Variants in PHTF1 observed in about 807,000 individuals in gnomAD.
PHTF1 encodes the protein protein PHTF1.
In PHTF1, 88 loss-of-function variants were observed where a neutral mutation model predicts 102.4. That is an observed-to-expected ratio of 0.86 (90% CI 0.72 to 1.03). The LOEUF (loss-of-function observed/expected upper bound fraction) is 1.03, where lower values mean the gene tolerates loss of function less well. Among genes scored for constraint, PHTF1 ranks in the 50% least tolerant of loss-of-function variants. PHTF1 has a pLI of 0.00. For synonymous variants in PHTF1, 289 were observed against 305.2 expected (o/e 0.95, Z 0.55); for missense variants, 814 against 909.5 (o/e 0.89, Z 1.35).
chr1:113,744,473 AT>A (rs550395780), intron 3 of PHTF1, among the ~76,000 whole-genome samples: 4 of 152,208 alleles, frequency 2.6e-5, no homozygotes, highest in Non-Finnish European at 4.4e-5. Flanking sequence ...GTTACCCCTG[AT>A]TTGGGGCATA....
intron 17 of PHTF1, chr1:113,699,076 TC>T (rs1649153681): frequency 6.2e-6 from 1 of 161,830 alleles, no homozygotes; most frequent in Non-Finnish European, 1.3e-5. Flanking sequence ...AGCAGCGCAG[TC>T]CCCAGTCAAA....
rs776442298 is a variant in PHTF1 at position 113,713,419 on chromosome 1, T to C, written c.643A>G (p.Ile215Val). ...TCAGTTTCAGTCCCTTTGTTAGATA[T>C]TAATTTTACTCTTTTAATCCTATTT... is the stretch of plus-strand genomic sequence containing the variant. ...FGNRIKRVKL[I>V]SNKGTETDND... The change falls in exon 8 of 19, where the codon ATA becomes GTA. Residue 215 changes from isoleucine to valine, a missense_variant. Ile to Val is a conservative substitution (Grantham distance 29). Coordinates refer to ENST00000369604, the MANE Select transcript of PHTF1 (RefSeq NM_001323043.2). 14 of 1,565,730 alleles carry C rather than the reference T, an allele frequency of 8.9e-6. No individual in the cohort carries two copies. The East Asian group carries it at 2.2e-4, about 25-fold the overall frequency.
chr1:113,711,492 C>T (rs573706389), intron 10 of PHTF1, among the ~76,000 whole-genome samples: 83 of 152,150 alleles, frequency 5.5e-4, no homozygotes, highest in African/African-American at 1.9e-3. Context: ...TTAATAATCT[C>T]ATTATTTAGG....
At chr1:113,729,527 C>T (rs1252336215) in intron 5 of PHTF1, among the ~76,000 whole-genome samples, 1 of 151,838 alleles carries the variant, frequency 6.6e-6, no homozygotes, top group Non-Finnish European at 1.5e-5. Flanking sequence ...ATATATATAC[C>T]TACTATATAC....
rs374396704 is a variant in PHTF1 at position 113,703,008 on chromosome 1, T to C, written c.1890+1073A>G. ...CATAAAAGTCAACTGCCCAAAAAGA[T>C]GGATAACAAAGCTAAATCTGGATGT... On this transcript the variant is annotated intron_variant, in intron 15 of 18. Transcript: ENST00000369604. 1.1e-4 allele frequency among the ~76,000 whole-genome samples: 16 copies of C among 152,282 alleles called. No homozygotes were observed. In the East Asian group the frequency reaches 1.2e-3, roughly 11 times the overall value.
At position 113,710,239 on chromosome 1, in the gene PHTF1, C is replaced by G. The variant is rs375706492; in HGVS notation, c.1269+15G>C. 6.3e-7 allele frequency: 1 copy of G among 1,582,492 alleles called. No homozygotes were observed. The highest frequency in any genetic ancestry group is 8.7e-7 in the Non-Finnish European group (1 of 1,152,712). ...CACAATAAATACTAGCTATTCTTAT[C>G]ATGTCTGCACAGACCTGCTGAAAAA... On this transcript the variant is annotated intron_variant, in intron 11 of 18. Transcript: ENST00000369604.
chr1:113,724,872 A>T lies in PHTF1; in HGVS notation c.510T>A (p.Asn170Lys). The T allele has an allele frequency of 6.3e-7, 1 of 1,598,362 alleles. No homozygotes were observed. The highest frequency in any genetic ancestry group is 1.4e-5 in the African/African-American group (1 of 73,914). Residue 170 changes from asparagine (N) to lysine (K), a missense_variant, in exon 7 of 19, where the codon AAT becomes AAA. Physicochemically the swap from Asn to Lys is moderately conservative, Grantham distance 94. Transcript: ENST00000369604. ...RRRRKLRKTV[N>K]GDGSRENGNN... ...TTCCATTTTCTCGGCTCCCATCACC[A>T]TTTACAGTTTTTCGTAATTTTCTAC...
intron 7 of PHTF1, among the ~76,000 whole-genome samples, chr1:113,722,640 T>A (rs1328587972): frequency 6.6e-6 from 1 of 151,518 alleles, no homozygotes; most frequent in African/African-American, 2.4e-5. Context: ...TGGCCAGGCA[T>A]GGTGGCTCAC....
At chr1:113,697,984 C>T (rs139744023) in intron 18 of PHTF1, among the ~76,000 whole-genome samples, 103 of 152,308 alleles carry the variant, frequency 6.8e-4, no homozygotes, top group African/African-American at 2.4e-3. Context: ...GACCATTACC[C>T]AGCTCAGGCT....
chr1:113,736,143 C>A (rs1279191872), intron 5 of PHTF1, among the ~76,000 whole-genome samples: 2 of 150,668 alleles, frequency 1.3e-5, no homozygotes, highest in Non-Finnish European at 3.0e-5. Context: ...GAGATCGAGA[C>A]CATCCTGGCT....
chr1:113,758,613 G>T, intron 2 of PHTF1, 46 bp downstream of exon 2: 1 of 1,156,418 alleles, frequency 8.6e-7, no homozygotes, highest in Non-Finnish European at 1.2e-6. Flanking sequence ...GGAGCTTTTT[G>T]CAGGAAGAAT....
At chr1:113,746,911 GT>G (rs1484101443) in intron 3 of PHTF1, 1 of 469,006 alleles carries the variant, frequency 2.1e-6, no homozygotes, top group East Asian at 1.5e-4. Flanking sequence ...AACAAAAAAT[GT>G]TTACAGTGCT....
chr1:113,713,721 C>A, intron 7 of PHTF1: 1 of 311,524 alleles, frequency 3.2e-6, no homozygotes, highest in Non-Finnish European at 5.9e-6. Flanking sequence ...CTCTCCACAT[C>A]TTCTCAGACA....
chr1:113,742,519 G>A (rs1656543588), intron 3 of PHTF1, among the ~76,000 whole-genome samples: 1 of 152,056 alleles, frequency 6.6e-6, no homozygotes, highest in Non-Finnish European at 1.5e-5. Flanking sequence ...AGCTACTCAG[G>A]AGGCTGAGGC....
chr1:113,697,798 A>G, intron 18 of PHTF1, 73 bp from the exon 19 acceptor site: 1 of 961,472 alleles, frequency 1.0e-6, no homozygotes, highest in South Asian at 1.3e-5. Context: ...CACTTACATG[A>G]CTATAAACTA....
intron 15 of PHTF1, among the ~76,000 whole-genome samples, chr1:113,701,746 T>C (rs947349445): frequency 5.0e-5 from 6 of 120,480 alleles, no homozygotes; most frequent in African/African-American, 2.0e-4. Context: ...CTTCTCAAGA[T>C]AAAATGTGGA....
At chr1:113,704,037 A>T (rs1264020656) in intron 15 of PHTF1, 44 bp downstream of exon 15, 2 of 1,257,200 alleles carry the variant, frequency 1.6e-6, no homozygotes, top group South Asian at 2.5e-5. Flanking sequence ...TGAACTCTAT[A>T]ATAGAATTTT....
Position 113,738,203 on chromosome 1 carries a change from G to T in PHTF1, c.238C>A (p.Arg80=), listed in dbSNP as rs78000844. 5 of 1,613,430 alleles carry T rather than the reference G, an allele frequency of 3.1e-6. No homozygotes were observed. The highest frequency in any genetic ancestry group is 2.7e-5 in the African/African-American group (2 of 74,888). The change falls in exon 5 of 19, where the codon CGA becomes AGA. Residue 80 remains arginine (R), a synonymous_variant. Transcript: ENST00000369604. ...CTGAACAATGGAAAAAATACAACTC[G>T]AACAAGCCCCTTCCGAGTCAGAGAT... is the stretch of plus-strand genomic sequence containing the variant. ...WTSLTRKGLV[R]VVFFPLFSNW...
intron 11 of PHTF1, among the ~76,000 whole-genome samples, chr1:113,709,704 C>A (rs778773193): frequency 4.6e-5 from 7 of 152,026 alleles, no homozygotes; most frequent in Admixed American, 6.5e-5. Flanking sequence ...TCACACTATT[C>A]CTAAGAAGTA....
Sources: gnomAD v4.1 joint callset for allele counts (sites outside exome capture counted in the v4.1 genomes callset) on GRCh38, gnomAD v4.1.1 for gene constraint, MANE v1.5 for transcripts, NCBI Gene and HGNC (gene_info 2026-07-23, HGNC 2026-07-21) for gene names.